YPEL2: variants seen among roughly 807,000 people sequenced by gnomAD.
The protein encoded by YPEL2 is protein yippee-like 2.
YPEL2 carries 2 observed loss-of-function variants against 19.1 expected under a neutral mutation model. That is an observed-to-expected ratio of 0.10 (90% CI 0.04 to 0.33). The LOEUF (loss-of-function observed/expected upper bound fraction) is 0.33. Among genes scored for constraint, YPEL2 ranks in the 10% least tolerant of loss-of-function variants. YPEL2 has a pLI of 1.00. For synonymous variants in YPEL2, 52 were observed against 50.0 expected (o/e 1.04, Z -0.17); for missense variants, 66 against 140.7 (o/e 0.47, Z 2.68).
At chr17:59,352,316 T>TG (rs1290997986) in intron 1 of YPEL2, among the ~76,000 whole-genome samples, 1 of 152,064 alleles carries the variant, frequency 6.6e-6, no homozygotes, top group African/African-American at 2.4e-5. Flanking sequence ...TTAGACCTCG[T>TG]GGCCCTGCCC....
chr17:59,342,375 A>G (rs2047736019), intron 1 of YPEL2, among the ~76,000 whole-genome samples: 1 of 152,214 alleles, frequency 6.6e-6, no homozygotes, highest in African/African-American at 2.4e-5. Context: ...GGATAGTGCT[A>G]TATGTGTGGC....
intron 2 of YPEL2, among the ~76,000 whole-genome samples, 152 bp from the exon 3 acceptor site, chr17:59,388,173 CCA>C (rs2047990409): frequency 6.6e-6 from 1 of 152,150 alleles, no homozygotes; most frequent in Non-Finnish European, 1.5e-5. Context: ...TTCTCCGCCC[CCA>C]CACCATCTGC....
intron 2 of YPEL2, among the ~76,000 whole-genome samples, chr17:59,376,750 C>T (rs1053044121): frequency 2.0e-5 from 3 of 151,940 alleles, no homozygotes; most frequent in African/African-American, 4.8e-5. Flanking sequence ...TGAGCCACCT[C>T]AGTCTCATTT....
intron 1 of YPEL2, among the ~76,000 whole-genome samples, chr17:59,349,123 G>A (rs551193675): frequency 0.015 from 2,082 of 140,538 alleles, 51 homozygotes; most frequent in African/African-American, 0.051. Context: ...GCAGTGAGCC[G>A]AGATGGCGCC....
chr17:59,335,737 C>T (rs957403159), intron 1 of YPEL2, among the ~76,000 whole-genome samples: 2 of 151,974 alleles, frequency 1.3e-5, no homozygotes, highest in East Asian at 1.9e-4. Context: ...TTAGTGGAGA[C>T]GGGGTTTCAC....
intron 4 of YPEL2, among the ~76,000 whole-genome samples, chr17:59,396,687 G>A (rs756497429): frequency 9.9e-5 from 15 of 152,194 alleles, no homozygotes; most frequent in East Asian, 1.9e-4. Flanking sequence ...GGACCAGACC[G>A]TGGTGACGCT....
At chr17:59,335,535 T>G (rs540635638) in intron 1 of YPEL2, among the ~76,000 whole-genome samples, 1 of 152,084 alleles carries the variant, frequency 6.6e-6, no homozygotes, top group Non-Finnish European at 1.5e-5. Flanking sequence ...AGTAACTCTT[T>G]CCAGGATTCT....
rs914789636 is a variant in YPEL2, at chr17:59,398,784, C to T, written c.*1594C>T. On this transcript the variant is annotated 3_prime_UTR_variant, in exon 5 of 5. Transcript: ENST00000312655. ...AGTAGGCCGACCTTCTCGGAAAATTCACCCTAAAAGTCTCACAAAAGAATG... is the reference window on the plus strand; with the variant it reads ...AGTAGGCCGACCTTCTCGGAAAATTTACCCTAAAAGTCTCACAAAAGAATG... 6.6e-6 allele frequency: 1 copy of T among 152,130 alleles called. No individual in the cohort carries two copies. Among genetic ancestry groups the T allele is most frequent in the African/African-American group, 2.4e-5 (1 of 41,420 alleles). 9.4% of individuals were successfully genotyped at this position (152,130 alleles called of 1,614,324 possible).
At position 59,400,530 on chromosome 17, in the gene YPEL2, G is replaced by C. The variant is rs1409765443; in HGVS notation, c.*3340G>C. ...TCTCTATCACTTTAATCTGGATCAA[G>C]GCTTTGAAGCAATGCCTCTCTGCAT... On this transcript the variant is annotated 3_prime_UTR_variant, in exon 5 of 5. Coordinates refer to ENST00000312655, the MANE Select transcript of YPEL2 (RefSeq NM_001005404.4). The C allele has an allele frequency of 1.3e-5, 2 of 151,486 alleles. No individual in the cohort carries two copies. Among genetic ancestry groups the C allele is most frequent in the Non-Finnish European group, 2.9e-5 (2 of 67,854 alleles). 9.4% of individuals were successfully genotyped at this position (151,486 alleles called of 1,614,324 possible).
intron 4 of YPEL2, among the ~76,000 whole-genome samples, chr17:59,394,737 C>T (rs1485928184): frequency 4.6e-5 from 7 of 152,192 alleles, no homozygotes; most frequent in South Asian, 2.1e-4. Flanking sequence ...CCAAGGCAGG[C>T]GGCTGGGAGG....
intron 4 of YPEL2, among the ~76,000 whole-genome samples, chr17:59,394,356 G>A (rs1021635058): frequency 1.7e-3 from 239 of 142,936 alleles, no homozygotes; most frequent in Non-Finnish European, 3.0e-3. Context: ...GGGCAGAGGC[G>A]CTCCTCACAT....
At chr17:59,371,599 A>T (rs2047897866) in intron 2 of YPEL2, among the ~76,000 whole-genome samples, 1 of 151,994 alleles carries the variant, frequency 6.6e-6, no homozygotes, top group South Asian at 2.1e-4. Context: ...CCCTGTCCAG[A>T]CCTCTCAGAG....
At chr17:59,369,959 G>A (rs575089305) in intron 2 of YPEL2, among the ~76,000 whole-genome samples, 1 of 152,242 alleles carries the variant, frequency 6.6e-6, no homozygotes, top group Non-Finnish European at 1.5e-5. Context: ...AAAGAGAGAT[G>A]TACTACTGTT....
chr17:59,389,170 G>T (rs1376596), intron 3 of YPEL2, 190 bp from the exon 4 acceptor site: 292,150 of 569,300 alleles, frequency 0.51, 76,676 homozygotes, highest in East Asian at 0.69. Context: ...AGAACTTGCA[G>T]ATCTGAATTT....
At chr17:59,352,968 G>A (rs770253668) in intron 1 of YPEL2, among the ~76,000 whole-genome samples, 9 of 152,174 alleles carry the variant, frequency 5.9e-5, no homozygotes, top group Non-Finnish European at 1.3e-4. Context: ...TAATGTGTGT[G>A]CTGGGTGTCT....
chr17:59,375,024 G>A (rs2047913823), intron 2 of YPEL2, among the ~76,000 whole-genome samples: 1 of 152,202 alleles, frequency 6.6e-6, no homozygotes, highest in South Asian at 2.1e-4. Flanking sequence ...GCTCTAAGGA[G>A]AAAGAGCTCA....
In YPEL2 at chr17:59,400,721, A is replaced by C. The variant is rs2048066700; in HGVS notation, c.*3531A>C. 6.5e-6 allele frequency: 1 copy of C among 152,726 alleles called. No individual in the cohort carries two copies. The highest frequency in any genetic ancestry group is 1.5e-5 in the Non-Finnish European group (1 of 68,022). 9.5% of individuals were successfully genotyped at this position (152,726 alleles called of 1,614,324 possible). Reference sequence around the variant, plus strand: ...TTGGAAGAATTTCCAACAAATCAGAATCACGTTTTTAGTTGTGCGTGTGCG... The same window carrying C: ...TTGGAAGAATTTCCAACAAATCAGACTCACGTTTTTAGTTGTGCGTGTGCG... On this transcript the variant is annotated 3_prime_UTR_variant, in exon 5 of 5. Coordinates refer to ENST00000312655, the MANE Select transcript of YPEL2 (RefSeq NM_001005404.4).
At chr17:59,387,577 G>A (rs932380373) in intron 2 of YPEL2, among the ~76,000 whole-genome samples, 6 of 152,152 alleles carry the variant, frequency 3.9e-5, no homozygotes, top group African/African-American at 1.4e-4. Flanking sequence ...GACAGGGCCC[G>A]TGTTAATGGA....
At chr17:59,338,017 C>A (rs1370830507) in intron 1 of YPEL2, among the ~76,000 whole-genome samples, 1 of 152,210 alleles carries the variant, frequency 6.6e-6, no homozygotes, top group East Asian at 1.9e-4. Flanking sequence ...CGAGACAGAG[C>A]AGCATTCTGC....
Sources: allele counts gnomAD v4.1 joint callset (sites outside exome capture counted in the v4.1 genomes callset), GRCh38; gene constraint gnomAD v4.1.1; transcripts MANE v1.5; gene names NCBI Gene and HGNC (gene_info 2026-07-23, HGNC 2026-07-21).